The following UBE2W variants were observed in gnomAD, a reference collection of about 807,000 sequenced individuals.
The protein encoded by UBE2W is ubiquitin conjugating enzyme E2 W.
Under a neutral mutation model 27.2 loss-of-function variants are expected in UBE2W, and 18 were observed. That is an observed-to-expected ratio of 0.66 (90% confidence interval 0.46 to 0.98). The LOEUF is 0.98. Ranked by LOEUF, UBE2W falls within the 50% of genes least tolerant of loss-of-function variation. UBE2W has a pLI of 0.00. For synonymous variants in UBE2W, 53 were observed against 57.2 expected, an observed-to-expected ratio of 0.93 and a Z score of 0.33; for missense variants, 90 against 180.2, an observed-to-expected ratio of 0.50 and a Z score of 2.87.
rs759063478 is a variant in UBE2W at position 73,842,528 on chromosome 8, C to CAAAAAAAA, written c.16-12064_16-12057dup. ...TGGGCGACAGAGGGAGACTCCGTCT[C>CAAAAAAAA]AAAAAAAAAAAAAAAAAAAAAAAAA... is the stretch of plus-strand genomic sequence containing the variant. On this transcript the variant is annotated intron_variant, in intron 1 of 5. Transcript: ENST00000602593. Among the ~76,000 whole-genome samples, 17 of 9,676 alleles carry CAAAAAAAA rather than the reference C, an allele frequency of 1.8e-3. 4 individuals carry two copies. Among genetic ancestry groups the CAAAAAAAA allele is most frequent in the African/African-American group, 4.8e-3 (17 of 3,562 alleles). The allele number at this position is 9,676 out of a possible 152,430, so 6.3% of individuals were successfully genotyped here. A position where few individuals can be genotyped will look rare whatever the true frequency, so the allele number is the denominator to read the frequency against.
intron 1 of UBE2W, among the ~76,000 whole-genome samples, chr8:73,865,115 G>C (rs898982438): frequency 7.3e-6 from 1 of 137,356 alleles, no homozygotes; most frequent in Non-Finnish European, 1.5e-5. Flanking sequence ...AGTCTTGTTT[G>C]ACCTCAGCTG....
At position 73,790,183 on chromosome 8, in the gene UBE2W, G is replaced by C. The variant is rs1476623706; in HGVS notation, c.*3919C>G. ...TCCTTCTGTAGAATCCCTAACCTCA[G>C]AAAAAAAAAAGAGAGAATAAATTAG... is the stretch of plus-strand genomic sequence containing the variant. On this transcript the variant is annotated 3_prime_UTR_variant, in exon 6 of 6. Transcript: ENST00000602593. 1 of 923,130 alleles carries C rather than the reference G, an allele frequency of 1.1e-6. No individual in the cohort carries two copies. The highest frequency in any genetic ancestry group is 1.3e-6 in the Non-Finnish European group (1 of 778,976). The allele number at this position is 923,130 out of a possible 1,614,324, so 57.2% of individuals were successfully genotyped here. A position where few individuals can be genotyped will look rare whatever the true frequency, so the allele number is the denominator to read the frequency against.
intron 5 of UBE2W, among the ~76,000 whole-genome samples, chr8:73,794,979 C>T (rs1189234280): frequency 6.6e-6 from 1 of 151,396 alleles, no homozygotes; most frequent in Non-Finnish European, 1.5e-5. Context: ...AGCCTCAACA[C>T]ATATATATGT....
chr8:73,792,671 T>C lies in UBE2W; in HGVS notation c.*1431A>G. ...GGCATTAGTAAAAATAACATTGTAG[T>C]AGAAACAGATTTTGCATATGTGAAA... is the stretch of plus-strand genomic sequence containing the variant. On this transcript the variant is annotated 3_prime_UTR_variant, in exon 6 of 6. Coordinates refer to ENST00000602593, the MANE Select transcript of UBE2W (RefSeq NM_018299.6). 2 of 985,428 alleles carry C rather than the reference T, an allele frequency of 2.0e-6. No individual in the cohort carries two copies. The highest frequency in any genetic ancestry group is 2.4e-6 in the Non-Finnish European group (2 of 829,556). The allele number at this position is 985,428 out of a possible 1,614,324, so 61.0% of individuals were successfully genotyped here. A position where few individuals can be genotyped will look rare whatever the true frequency, so the allele number is the denominator to read the frequency against.
At chr8:73,794,459 C>T (rs1401692714) in intron 5 of UBE2W, among the ~76,000 whole-genome samples, 1 of 152,128 alleles carries the variant, frequency 6.6e-6, no homozygotes, top group East Asian at 1.9e-4. Context: ...TGTAATGAGA[C>T]AGAAGTAAAC....
At chr8:73,826,721 ATAGT>A (rs1178410922) in intron 2 of UBE2W, among the ~76,000 whole-genome samples, 2 of 152,232 alleles carry the variant, frequency 1.3e-5, no homozygotes, top group Non-Finnish European at 1.5e-5. Flanking sequence ...AGTCGCAGTT[ATAGT>A]TAATCTTAAC....
At position 73,790,663 on chromosome 8, in the gene UBE2W, CCTCTT is replaced by C. The variant is rs1301602953; in HGVS notation, c.*3434_*3438del. 2.2e-5 allele frequency: 22 copies of C among 982,666 alleles called. No homozygotes were observed. Among genetic ancestry groups the C allele is most frequent in the South Asian group, 1.9e-4 (4 of 21,240 alleles). 60.9% of individuals were successfully genotyped at this position (982,666 alleles called of 1,614,324 possible). The stretch of plus-strand genomic sequence containing the variant: ...AAAATTTTTGTAACACACAGTACCT[CCTCTT>C]CTCTTCTATTTTTAGGAAGAAGTTA... On this transcript the variant is annotated 3_prime_UTR_variant, in exon 6 of 6. Transcript: ENST00000602593.
intron 1 of UBE2W, among the ~76,000 whole-genome samples, chr8:73,839,091 G>A (rs1184861260): frequency 1.3e-5 from 2 of 151,988 alleles, no homozygotes; most frequent in Non-Finnish European, 2.9e-5. Context: ...CTTGCTTTGT[G>A]CATTTTGTCC....
In UBE2W at chr8:73,832,136, A is replaced by AATATATATATATATATATAT. The variant is rs111764105; in HGVS notation, c.16-1665_16-1664insATATATATATATATATATAT. On this transcript the variant is annotated intron_variant, in intron 1 of 5. Transcript: ENST00000602593. Reference sequence around the variant, plus strand: ...AACAAACAAACAAAAAAAATAAATAAATATATATATATATATTAGCCAGGT... The same window carrying AATATATATATATATATATAT: ...AACAAACAAACAAAAAAAATAAATAAATATATATATATATATATATATATATATATATATATTAGCCAGGT... Among the ~76,000 whole-genome samples the AATATATATATATATATATAT allele has an allele frequency of 3.6e-3, 524 of 145,358 alleles. 8 individuals are homozygous for AATATATATATATATATATAT. Among genetic ancestry groups the AATATATATATATATATATAT allele is most frequent in the African/African-American group, 0.013 (494 of 37,768 alleles).
rs767200174 is a variant in UBE2W, at chr8:73,805,646, C to T, written c.442+5G>A. ...AAAAAGTTATTACAAATTCAAACTG[C>T]TTACCATGATACCACCATTTTGTTT... On this transcript the variant is annotated splice_donor_5th_base_variant and intron_variant, in intron 5 of 5. Transcript: ENST00000602593. The T allele has an allele frequency of 3.3e-6, 5 of 1,518,670 alleles. No homozygotes were observed. Among genetic ancestry groups the T allele is most frequent in the South Asian group, 1.3e-5 (1 of 74,298 alleles). The allele number at this position is 1,518,670 out of a possible 1,614,324, so 94.1% of individuals were successfully genotyped here.
intron 1 of UBE2W, among the ~76,000 whole-genome samples, chr8:73,870,797 A>C (rs1341894807): frequency 6.6e-6 from 1 of 151,020 alleles, no homozygotes; most frequent in Non-Finnish European, 1.5e-5. Context: ...TCTTAAAAAA[A>C]AAATATTTGA....
In UBE2W at chr8:73,793,736, C is replaced by T; in HGVS notation, c.*366G>A. On this transcript the variant is annotated 3_prime_UTR_variant, in exon 6 of 6. Transcript: ENST00000602593. ...GAGTTAATGAAAACTTTTCCTGTTA[C>T]AACGCCCATTGCCGGCAATGAACGT... 9.9e-7 allele frequency: 1 copy of T among 1,014,824 alleles called. No individual in the cohort carries two copies. The highest frequency in any genetic ancestry group is 1.2e-6 in the Non-Finnish European group (1 of 849,296). The allele number at this position is 1,014,824 out of a possible 1,614,324, so 62.9% of individuals were successfully genotyped here. A position where few individuals can be genotyped will look rare whatever the true frequency, so the allele number is the denominator to read the frequency against.
chr8:73,785,332 T>A (rs1807917903), downstream of UBE2W, among the ~76,000 whole-genome samples: 1 of 152,000 alleles, frequency 6.6e-6, no homozygotes, highest in Non-Finnish European at 1.5e-5. Flanking sequence ...TTAGTAAAGA[T>A]GGGGTTTCTC....
chr8:73,843,585 T>C (rs890809467), intron 1 of UBE2W, among the ~76,000 whole-genome samples: 5 of 152,060 alleles, frequency 3.3e-5, no homozygotes, highest in Non-Finnish European at 7.4e-5. Flanking sequence ...TAGTGAGTTA[T>C]GATCTAGCCA....
chr8:73,810,724 AC>A, intron 3 of UBE2W, 95 bp from the exon 4 acceptor site: 1 of 980,518 alleles, frequency 1.0e-6, no homozygotes, highest in African/African-American at 1.7e-5. Context: ...TTATAAAAAA[AC>A]AAAAAACCAC....
intron 4 of UBE2W, among the ~76,000 whole-genome samples, chr8:73,781,035 C>T (rs963213208): frequency 2.6e-5 from 4 of 151,376 alleles, no homozygotes; most frequent in South Asian, 2.1e-4. Flanking sequence ...TTTGGGAGGC[C>T]GAGGCAGTTG....
At chr8:73,848,427 C>CTG (rs1810910358) in intron 1 of UBE2W, among the ~76,000 whole-genome samples, 1 of 152,150 alleles carries the variant, frequency 6.6e-6, no homozygotes, top group South Asian at 2.1e-4. Flanking sequence ...TGGCTCATGC[C>CTG]TGTAATCCCA....
intron 5 of UBE2W, among the ~76,000 whole-genome samples, chr8:73,799,594 A>G (rs1181399646): frequency 6.6e-6 from 1 of 152,132 alleles, no homozygotes; most frequent in Non-Finnish European, 1.5e-5. Flanking sequence ...TACAATCACT[A>G]ATCTAAACCA....
At chr8:73,843,934 A>G (rs1810653854) in intron 1 of UBE2W, among the ~76,000 whole-genome samples, 1 of 152,156 alleles carries the variant, frequency 6.6e-6, no homozygotes, top group Admixed American at 6.5e-5. Context: ...GGTTGCAGTG[A>G]GTCAAGACTG....
Sources: allele counts gnomAD v4.1 joint callset (sites outside exome capture counted in the v4.1 genomes callset), GRCh38; gene constraint gnomAD v4.1.1; transcripts MANE v1.5; gene names NCBI Gene and HGNC (gene_info 2026-07-23, HGNC 2026-07-21).